Variants in SGCB observed in about 807,000 individuals in gnomAD.
SGCB encodes the protein sarcoglycan beta.
SGCB carries 25 observed loss-of-function variants against 27.3 expected under a neutral mutation model. That is an observed-to-expected ratio of 0.92 (90% CI 0.67 to 1.28). SGCB has a LOEUF of 1.28. Ranked by LOEUF, SGCB falls within the 50% of genes most tolerant of loss-of-function variation. SGCB has a pLI of 0.00. For missense variants in SGCB, 436 were observed against 402.1 expected, an observed-to-expected ratio of 1.08 and a Z score of -0.72; for synonymous variants, 147 against 133.5, an observed-to-expected ratio of 1.10 and a Z score of -0.70.
chr4:52,033,562 T>G lies in SGCB; in HGVS notation c.112A>C (p.Ser38Arg), dbSNP rs1456517729. The G allele has an allele frequency of 6.2e-7, 1 of 1,613,832 alleles. No homozygotes were observed. The highest frequency in any genetic ancestry group is 1.7e-5 in the Admixed American group (1 of 60,024). ...GGAATGTATCCAGCTTTAAAGTTAC[T>G]GTTGTGCTCTTTATTGACACTCCTT... ...ERRSVNKEHN[S>R]NFKAGYIPID... The change falls in exon 2 of 6, where the codon AGT (serine) becomes CGT (arginine). Residue 38 changes from serine (S) to arginine (R), a missense_variant. Physicochemically the swap from Ser to Arg is moderately radical, Grantham distance 110 (BLOSUM62 -1). Transcript: ENST00000381431.
chr4:52,025,202 A>G (rs1369379044), intron 5 of SGCB, among the ~76,000 whole-genome samples: 1 of 152,156 alleles, frequency 6.6e-6, no homozygotes, highest in East Asian at 1.9e-4. Context: ...TTAATGGGGT[A>G]GGGGGAGACA....
At chr4:52,036,691 C>T (rs1249298798) in intron 1 of SGCB, among the ~76,000 whole-genome samples, 1 of 151,986 alleles carries the variant, frequency 6.6e-6, no homozygotes, top group Non-Finnish European at 1.5e-5. Flanking sequence ...ATGAGTGTGG[C>T]ACAAAGGGGT....
intron 1 of SGCB, among the ~76,000 whole-genome samples, chr4:52,034,084 C>A (rs1212542817): frequency 6.6e-6 from 1 of 151,756 alleles, no homozygotes; most frequent in Non-Finnish European, 1.5e-5. Context: ...GTAATCCCAG[C>A]ACTTTGGGAG....
chr4:52,023,634 T>G lies in SGCB; in HGVS notation c.*323A>C, dbSNP rs988887377. 1 of 313,180 alleles carries G rather than the reference T, an allele frequency of 3.2e-6. No homozygotes were observed. Among genetic ancestry groups the G allele is most frequent in the African/African-American group, 2.2e-5 (1 of 46,040 alleles). The allele number at this position is 313,180 out of a possible 1,614,324, so 19.4% of individuals were successfully genotyped here. A position where few individuals can be genotyped will look rare whatever the true frequency, so the allele number is the denominator to read the frequency against. On this transcript the variant is annotated 3_prime_UTR_variant, in exon 6 of 6. Coordinates refer to ENST00000381431, the MANE Select transcript of SGCB (RefSeq NM_000232.5). The stretch of plus-strand genomic sequence containing the variant: ...TACCAAAGTTTACTTACAGTGAATC[T>G]AAACAGCTGCTTCAGACCTTTAACC...
chr4:52,028,218 T>G (rs1737153609), intron 4 of SGCB, 119 bp from the exon 5 acceptor site: 4 of 772,722 alleles, frequency 5.2e-6, no homozygotes, highest in African/African-American at 1.8e-5. Flanking sequence ...TTTCTATTAA[T>G]GTTTTAGAGA....
chr4:52,034,882 ATGGCAT>A (rs1293951033), intron 1 of SGCB, among the ~76,000 whole-genome samples: 2 of 152,226 alleles, frequency 1.3e-5, no homozygotes, highest in African/African-American at 4.8e-5. Flanking sequence ...GACCAATGTG[ATGGCAT>A]CATCACTCAA....
intron 4 of SGCB, among the ~76,000 whole-genome samples, chr4:52,028,443 C>T (rs367838633): frequency 1.1e-3 from 170 of 152,226 alleles, no homozygotes; most frequent in African/African-American, 3.8e-3. Context: ...CGAGACCATC[C>T]TGACTAACAC....
Position 52,033,599 on chromosome 4 carries a change from C to T in SGCB, c.75G>A (p.Lys25=), listed in dbSNP as rs2109376069. The change falls in exon 2 of 6, where the codon AAG becomes AAA. Residue 25 remains lysine, a synonymous_variant. Coordinates refer to ENST00000381431, the MANE Select transcript of SGCB (RefSeq NM_000232.5). ...NGPVKKSMRE[K]AVERRSVNKE... ...TATTGACACTCCTTCTCTCAACAGC[C>T]TTCTCACGCATGGACTTCTTTACAG... 1 of 1,613,966 alleles carries T rather than the reference C, an allele frequency of 6.2e-7. No homozygotes were observed. The highest frequency in any genetic ancestry group is 1.1e-5 in the South Asian group (1 of 91,074).
At chr4:52,029,293 C>T (rs1489871832) in intron 3 of SGCB, among the ~76,000 whole-genome samples, 2 of 152,178 alleles carry the variant, frequency 1.3e-5, no homozygotes, top group South Asian at 2.1e-4. Context: ...ATATTCTCTT[C>T]AAGAGCCCCC....
Position 52,028,925 on chromosome 4 carries a change from C to T in SGCB, c.430-4G>A. On this transcript the variant is annotated splice_region_variant and splice_polypyrimidine_tract_variant and intron_variant, in intron 3 of 5. Transcript: ENST00000381431. ...TTGTCCCTTGCTGAAAAACAATCTT[C>T]AAAAAAAACAGTTTATTGTGAATAT... 1 of 1,602,222 alleles carries T rather than the reference C, an allele frequency of 6.2e-7. No individual in the cohort carries two copies. Among genetic ancestry groups the T allele is most frequent in the Non-Finnish European group, 8.5e-7 (1 of 1,170,908 alleles).
Position 52,028,049 on chromosome 4 carries a change from A to G in SGCB, c.672T>C (p.Ala224=). The G allele has an allele frequency of 1.2e-6, 2 of 1,613,446 alleles. No homozygotes were observed. Among genetic ancestry groups the G allele is most frequent in the Non-Finnish European group, 1.7e-6 (2 of 1,179,416 alleles). ...SDLNIKVDGR[A]IVRGNEGVFI... ...ATACACCTTCATTTCCACGCACAAT[A>G]GCACGCCCATCAACTTTTATATTTA... The change falls in exon 5 of 6, where the codon GCT becomes GCC. Residue 224 remains alanine, a synonymous_variant. Transcript: ENST00000381431.
chr4:52,025,384 G>A (rs564737770), intron 5 of SGCB, among the ~76,000 whole-genome samples: 86 of 152,228 alleles, frequency 5.6e-4, no homozygotes, highest in African/African-American at 1.9e-3. Flanking sequence ...AGAAACTAGA[G>A]GAAGTGAGGG....
chr4:52,038,137 G>C, intron 1 of SGCB, 90 bp downstream of exon 1: 1 of 874,176 alleles, frequency 1.1e-6, no homozygotes, highest in Non-Finnish European at 1.3e-6. Context: ...CGCGCCCCCC[G>C]CACCCCCGGC....
Position 52,033,554 on chromosome 4 carries a change from A to G in SGCB, c.120T>C (p.Phe40=). 4.3e-6 allele frequency: 7 copies of G among 1,613,854 alleles called. No individual in the cohort carries two copies. The highest frequency in any genetic ancestry group is 5.9e-6 in the Non-Finnish European group (7 of 1,179,732). ...CATCAATCGGAATGTATCCAGCTTT[A>G]AAGTTACTGTTGTGCTCTTTATTGA... ...RSVNKEHNSN[F]KAGYIPIDED... is the part of the protein sequence containing the mutation. Residue 40 remains phenylalanine, a synonymous_variant, in exon 2 of 6, where the codon TTT becomes TTC. Transcript: ENST00000381431.
At chr4:52,024,542 T>C (rs1235638237) in intron 5 of SGCB, among the ~76,000 whole-genome samples, 1 of 152,006 alleles carries the variant, frequency 6.6e-6, no homozygotes, top group Non-Finnish European at 1.5e-5. Context: ...AAAAAGACTT[T>C]TCCTGGCCAA....
Position 52,023,612 on chromosome 4 carries a change from C to CAA in SGCB, c.*343_*344dup, listed in dbSNP as rs1737010040. On this transcript the variant is annotated 3_prime_UTR_variant, in exon 6 of 6. Coordinates refer to ENST00000381431, the MANE Select transcript of SGCB (RefSeq NM_000232.5). ...GTGGGTCTATCCCCATTAGAGTTAC[C>CAA]AAAGTTTACTTACAGTGAATCTAAA... The CAA allele has an allele frequency of 3.5e-6, 1 of 287,498 alleles. No individual in the cohort carries two copies. The highest frequency in any genetic ancestry group is 2.2e-5 in the African/African-American group (1 of 45,032). The allele number at this position is 287,498 out of a possible 1,614,324, so 17.8% of individuals were successfully genotyped here. A position where few individuals can be genotyped will look rare whatever the true frequency, so the allele number is the denominator to read the frequency against.
rs1736959188 is a variant in SGCB at position 52,021,849 on chromosome 4, C to T, written c.*2108G>A. 6.6e-6 allele frequency: 1 copy of T among 152,070 alleles called. No individual in the cohort carries two copies. Among genetic ancestry groups the T allele is most frequent in the East Asian group, 1.9e-4 (1 of 5,198 alleles). The allele number at this position is 152,070 out of a possible 1,614,324, so 9.4% of individuals were successfully genotyped here. A position where few individuals can be genotyped will look rare whatever the true frequency, so the allele number is the denominator to read the frequency against. ...GTATAAAAACATCAAAATAGCCTCT[C>T]CTCTCAAAAGAACTTCATGGAGATG... On this transcript the variant is annotated 3_prime_UTR_variant, in exon 6 of 6. Coordinates refer to ENST00000381431, the MANE Select transcript of SGCB (RefSeq NM_000232.5).
Position 52,038,231 on chromosome 4 carries a change from T to C in SGCB, c.29A>G (p.Glu10Gly), listed in dbSNP as rs1452778513. 36 of 1,285,716 alleles carry C rather than the reference T, an allele frequency of 2.8e-5. No individual in the cohort carries two copies. Among genetic ancestry groups the C allele is most frequent in the Non-Finnish European group, 1.6e-5 (16 of 1,012,636 alleles). The allele number at this position is 1,285,716 out of a possible 1,614,324, so 79.6% of individuals were successfully genotyped here. The change falls in exon 1 of 6, where the codon GAA becomes GGA. Residue 10 changes from glutamate (E) to glycine (G), a missense_variant. Transcript: ENST00000381431. MAAAAAAAAEQQSSNGPVKK... is the reference protein window; with the variant it reads MAAAAAAAAGQQSSNGPVKK... ...GCCGCGGCGGTACTCACAGACCTGT[T>C]CTGCAGCCGCCGCCGCCGCTGCCGC...
chr4:52,021,744 T>G lies in SGCB; in HGVS notation c.*2213A>C, dbSNP rs1158156542. 1 of 152,172 alleles carries G rather than the reference T, an allele frequency of 6.6e-6. No homozygotes were observed. Among genetic ancestry groups the G allele is most frequent in the Non-Finnish European group, 1.5e-5 (1 of 68,020 alleles). 9.4% of individuals were successfully genotyped at this position (152,172 alleles called of 1,614,324 possible). A position where few individuals can be genotyped will look rare whatever the true frequency, so the allele number is the denominator to read the frequency against. On this transcript the variant is annotated 3_prime_UTR_variant, in exon 6 of 6. Coordinates refer to ENST00000381431, the MANE Select transcript of SGCB (RefSeq NM_000232.5). ...TGCCCTGTTCTGCTTTCTAATAGAT[T>G]TTCCAAGCTTATGTTTCAGGGAAAA...
Sources: allele counts gnomAD v4.1 joint callset (sites outside exome capture counted in the v4.1 genomes callset), GRCh38; gene constraint gnomAD v4.1.1; transcripts MANE v1.5; gene names NCBI Gene and HGNC (gene_info 2026-07-23, HGNC 2026-07-21).